The following RPGRIP1L variants were observed in gnomAD, a reference collection of about 807,000 sequenced individuals.
RPGRIP1L encodes RPGRIP1 like.
Under a neutral mutation model 160.4 loss-of-function variants are expected in RPGRIP1L, and 131 were observed. That is an observed-to-expected ratio of 0.82 (90% CI 0.71 to 0.94). RPGRIP1L has a LOEUF of 0.94. Ranked by LOEUF, RPGRIP1L falls within the 40% of genes least tolerant of loss-of-function variation. The probability of loss-of-function intolerance (pLI) is 0.00; values close to 1 mark genes in which losing one functional copy is unlikely to be tolerated. For synonymous variants in RPGRIP1L, 510 were observed against 515.8 expected (o/e 0.99, Z 0.15); for missense variants, 1,522 against 1,535.8 (o/e 0.99, Z 0.15).
At chr16:53,673,112 G>T in intron 7 of RPGRIP1L, 96 bp from the exon 8 acceptor site, 1 of 1,203,430 alleles carries the variant, frequency 8.3e-7, no homozygotes, top group Middle Eastern at 2.8e-4. Flanking sequence ...TTCTATAAAT[G>T]AATTTACTCC....
chr16:53,696,931 C>T (rs1018781246), intron 2 of RPGRIP1L, among the ~76,000 whole-genome samples: 9 of 152,274 alleles, frequency 5.9e-5, no homozygotes, highest in East Asian at 3.9e-4. Context: ...TGGTGGCTCA[C>T]GCCTGTAATC....
intron 4 of RPGRIP1L, among the ~76,000 whole-genome samples, chr16:53,690,195 T>C (rs183844974): frequency 2.0e-5 from 3 of 152,308 alleles, no homozygotes; most frequent in East Asian, 1.9e-4. Context: ...CTGGGCATTA[T>C]AGACTTATTT....
intron 15 of RPGRIP1L, among the ~76,000 whole-genome samples, chr16:53,649,597 A>G (rs1966808452): frequency 6.6e-6 from 1 of 152,218 alleles, no homozygotes; most frequent in South Asian, 2.1e-4. Flanking sequence ...TCTCACAAGC[A>G]TAAGGGAAAA....
rs753618551 is a variant in RPGRIP1L, at chr16:53,658,479, G to A, written c.1351-15C>T. 1 of 1,590,330 alleles carries A rather than the reference G, an allele frequency of 6.3e-7. No individual in the cohort carries two copies. Among genetic ancestry groups the A allele is most frequent in the Non-Finnish European group, 8.6e-7 (1 of 1,158,760 alleles). ...ATATCATTCTCCTGCAATAGATTAA[G>A]TAAAAGCTCACAATGAGTTATGAAT... On this transcript the variant is annotated splice_polypyrimidine_tract_variant and intron_variant, in intron 11 of 26. Coordinates refer to ENST00000647211, the MANE Select transcript of RPGRIP1L (RefSeq NM_015272.5).
intron 26 of RPGRIP1L, 77 bp from the exon 27 acceptor site, chr16:53,602,265 T>A: frequency 1.1e-6 from 1 of 944,614 alleles, no homozygotes; most frequent in Non-Finnish European, 1.7e-6. Flanking sequence ...ACAGAAACAG[T>A]AGTTGAAAAG....
intron 12 of RPGRIP1L, among the ~76,000 whole-genome samples, chr16:53,658,193 AT>A (rs1356106202): frequency 6.6e-6 from 1 of 152,148 alleles, no homozygotes. Context: ...CTTTGATGTC[AT>A]TATGAAATAT....
chr16:53,625,479 G>GGC (rs1009995910), intron 22 of RPGRIP1L, among the ~76,000 whole-genome samples: 9 of 146,622 alleles, frequency 6.1e-5, no homozygotes, highest in Admixed American at 2.0e-4. Context: ...GGGGGCTGGG[G>GGC]GGGGCGCGCC....
chr16:53,699,817 C>CAAAAA (rs71146704), intron 2 of RPGRIP1L, among the ~76,000 whole-genome samples: 2 of 94,626 alleles, frequency 2.1e-5, no homozygotes, highest in African/African-American at 6.9e-5. Context: ...GACTTCGTCT[C>CAAAAA]AAAAAAAAAA....
At chr16:53,626,806 CAAA>C (rs397956424) in intron 22 of RPGRIP1L, among the ~76,000 whole-genome samples, 9 of 93,808 alleles carry the variant, frequency 9.6e-5, no homozygotes, top group African/African-American at 1.4e-4. Context: ...CCCTGTCTCT[CAAA>C]AAAAAAAAAA....
intron 22 of RPGRIP1L, among the ~76,000 whole-genome samples, chr16:53,627,176 A>T (rs998850791): frequency 2.3e-4 from 35 of 152,162 alleles, no homozygotes; most frequent in African/African-American, 8.2e-4. Flanking sequence ...CTGGAGTTGA[A>T]TTGTTGGGCT....
At position 53,652,978 on chromosome 16, in the gene RPGRIP1L, T is replaced by C. The variant is rs111459222; in HGVS notation, c.1709A>G (p.Lys570Arg). The change falls in exon 15 of 27, where the codon AAG becomes AGG. Residue 570 changes from lysine (K) to arginine (R), a missense_variant. Lys to Arg is a conservative substitution (Grantham distance 26, BLOSUM62 2). Transcript: ENST00000647211. ...ARIHKLEAQL[K>R]DIAYGTKQYK... is the part of the protein sequence containing the mutation. ...CTGCTTGGTGCCATAGGCAATATCC[T>C]TTAATTGGGCTGCAAGAGAAGACAC... The C allele has an allele frequency of 6.3e-5, 101 of 1,612,122 alleles. 3 individuals are homozygous for C. In the Middle Eastern group the frequency reaches 6.6e-4, roughly 11 times the overall value.
At chr16:53,646,590 T>C (rs560097031) in intron 16 of RPGRIP1L, among the ~76,000 whole-genome samples, 4 of 152,100 alleles carry the variant, frequency 2.6e-5, no homozygotes, top group African/African-American at 9.6e-5. Flanking sequence ...TTAGGTAGAG[T>C]TGGAAACTAC....
chr16:53,620,074 G>T (rs1263660408), intron 23 of RPGRIP1L, among the ~76,000 whole-genome samples: 1 of 152,022 alleles, frequency 6.6e-6, no homozygotes, highest in Non-Finnish European at 1.5e-5. Context: ...TAAATTCAGA[G>T]ACATGCTATA....
At chr16:53,681,359 A>C (rs1044081105) in intron 6 of RPGRIP1L, among the ~76,000 whole-genome samples, 4 of 152,226 alleles carry the variant, frequency 2.6e-5, no homozygotes, top group Non-Finnish European at 2.9e-5. Context: ...TTTGGAGTTG[A>C]AAAAGGTCAG....
intron 26 of RPGRIP1L, 128 bp downstream of exon 26, chr16:53,605,353 T>A: frequency 9.7e-7 from 1 of 1,029,648 alleles, no homozygotes; most frequent in Non-Finnish European, 1.5e-6. Context: ...AGCGTCAACT[T>A]GAGTTGTAAA....
At chr16:53,614,990 T>C (rs1257915775) in intron 24 of RPGRIP1L, among the ~76,000 whole-genome samples, 1 of 152,248 alleles carries the variant, frequency 6.6e-6, no homozygotes, top group African/African-American at 2.4e-5. Context: ...GCAGATGGCT[T>C]AATTATAAGG....
chr16:53,630,881 C>T lies in RPGRIP1L; in HGVS notation c.3294+5558G>A, dbSNP rs113114528. On this transcript the variant is annotated intron_variant, in intron 22 of 26. Coordinates refer to ENST00000647211, the MANE Select transcript of RPGRIP1L (RefSeq NM_015272.5). The stretch of plus-strand genomic sequence containing the variant: ...CCGAGTAGCTGGAATTACAGGTGCC[C>T]GCCAACACGCCCGGCTAATTTTTGT... Among the ~76,000 whole-genome samples the T allele has an allele frequency of 2.2e-4, 33 of 152,066 alleles. 2 individuals are homozygous for T. The highest frequency in any genetic ancestry group is 3.4e-3 in the Middle Eastern group (1 of 294).
chr16:53,617,943 C>T (rs1175378416), intron 24 of RPGRIP1L, among the ~76,000 whole-genome samples: 1 of 152,094 alleles, frequency 6.6e-6, no homozygotes, highest in East Asian at 1.9e-4. Context: ...CTAAAAATAA[C>T]ACAACACTCC....
At chr16:53,692,034 TC>T in intron 4 of RPGRIP1L, 31 bp downstream of exon 4, 1 of 1,602,922 alleles carries the variant, frequency 6.2e-7, no homozygotes, top group Non-Finnish European at 8.5e-7. Context: ...TAATAAGACT[TC>T]AGTTTAGATT....
Sources: gnomAD v4.1 joint callset for allele counts (sites outside exome capture counted in the v4.1 genomes callset) on GRCh38, gnomAD v4.1.1 for gene constraint, MANE v1.5 for transcripts, NCBI Gene and HGNC (gene_info 2026-07-23, HGNC 2026-07-21) for gene names.